The following LAMC2 variants were observed in gnomAD, a reference collection of about 807,000 sequenced individuals.
LAMC2 encodes laminin subunit gamma 2, also known as laminin subunit gamma-2.
A neutral mutation model predicts 140.2 loss-of-function variants in LAMC2; 97 were observed. The observed-to-expected ratio is 0.69, with a 90% CI of 0.59 to 0.82. The LOEUF is 0.82. Ranked by LOEUF, LAMC2 falls within the 40% of genes least tolerant of loss-of-function variation. The pLI is 0.00. For synonymous variants in LAMC2, 513 were observed against 540.2 expected (o/e 0.95, Z 0.70); for missense variants, 1,402 against 1,476.1 (o/e 0.95, Z 0.82).
chr1:183,223,215 C>A lies in LAMC2; in HGVS notation c.844C>A (p.Pro282Thr), dbSNP rs745634691. The change falls in exon 7 of 23, where the codon CCA (proline) becomes ACA (threonine). Residue 282 changes from proline to threonine, a missense_variant. Physicochemically the swap from Pro to Thr is conservative, Grantham distance 38. This residue lies in a region of LAMC2 where 723 missense variants were observed against 783.3 expected (regional missense o/e 0.92). Coordinates refer to ENST00000264144, the MANE Select transcript of LAMC2 (RefSeq NM_005562.3). ...DYRVDRGGRH[P>T]SAHDVILEGA... is the part of the protein sequence containing the mutation. ...CCGTGTGGACAGAGGAGGCAGACAC[C>A]CATCTGCCCATGATGTGATTCTGGA... is the stretch of plus-strand genomic sequence containing the variant. 3 of 1,613,704 alleles carry A rather than the reference C, an allele frequency of 1.9e-6. No individual in the cohort carries two copies. The South Asian group carries it at 3.3e-5, about 18-fold the overall frequency.
intron 7 of LAMC2, among the ~76,000 whole-genome samples, chr1:183,225,263 A>C (rs1659592105): frequency 6.6e-6 from 1 of 152,220 alleles, no homozygotes. Context: ...TGAGAATCAG[A>C]ACTTCTGGAA....
chr1:183,202,742 C>G (rs533168805), intron 1 of LAMC2, among the ~76,000 whole-genome samples: 1 of 152,126 alleles, frequency 6.6e-6, no homozygotes, highest in Non-Finnish European at 1.5e-5. Context: ...TAACAAATAC[C>G]ACTATCCTAA....
At position 183,232,754 on chromosome 1, in the gene LAMC2, G is replaced by T; in HGVS notation, c.2117G>T (p.Arg706Leu). The T allele has an allele frequency of 6.2e-7, 1 of 1,614,022 alleles. No homozygotes were observed. Among genetic ancestry groups the T allele is most frequent in the South Asian group, 1.1e-5 (1 of 91,066 alleles). The change falls in exon 14 of 23, where the codon CGG (arginine) becomes CTG (leucine). Residue 706 changes from arginine (R) to leucine (L), a missense_variant. Physicochemically the swap from Arg to Leu is moderately radical, Grantham distance 102. This residue lies in a region of LAMC2 where 670 missense variants were observed against 667.2 expected (regional missense o/e 1.00). Transcript: ENST00000264144. ...CTCAAGATGACTGTGGAAAGAGTTC[G>T]GGCTCTGGGAAGTCAGTACCAGAAC... ...DDLKMTVERV[R>L]ALGSQYQNRV...
intron 11 of LAMC2, among the ~76,000 whole-genome samples, chr1:183,230,409 T>C (rs112201777): frequency 4.1e-4 from 63 of 152,348 alleles, no homozygotes; most frequent in Non-Finnish European, 5.9e-4. Flanking sequence ...CCCACTATCA[T>C]ATCCTTAACT....
chr1:183,232,678 T>G lies in LAMC2; in HGVS notation c.2041T>G (p.Leu681Val), dbSNP rs750090015. 61 of 1,613,172 alleles carry G rather than the reference T, an allele frequency of 3.8e-5. No homozygotes were observed. The highest frequency in any genetic ancestry group is 3.4e-6 in the Non-Finnish European group (4 of 1,179,900). Residue 681 changes from leucine to valine, a missense_variant, in exon 14 of 23, where the codon TTG becomes GTG. Leu to Val is a conservative substitution (Grantham distance 32). Around this residue, in one of 3 missense-constraint regions of LAMC2, gnomAD observed 670 missense variants for 667.2 expected, o/e 1.00. Coordinates refer to ENST00000264144, the MANE Select transcript of LAMC2 (RefSeq NM_005562.3). ...EGASRSLGLQ[L>V]AKVRSQENSY... ...TGCTAGCAGATCCCTTGGTCTCCAG[T>G]TGGCCAAGGTGAGGAGCCAAGAGAA...
chr1:183,253,785 C>T, the LAMC2 span, among the ~76,000 whole-genome samples: 1 of 152,130 alleles, frequency 6.6e-6, no homozygotes, highest in Admixed American at 6.6e-5. Context: ...TAAGTGAAAT[C>T]ATGCAATATT....
At chr1:183,250,407 A>G in the LAMC2 span, 2 of 152,196 alleles carry the variant, frequency 1.3e-5, no homozygotes, top group Admixed American at 6.5e-5. Flanking sequence ...GACTGGCATT[A>G]CCATCCTATG....
At chr1:183,206,651 CAAA>C (rs34536054) in intron 1 of LAMC2, among the ~76,000 whole-genome samples, 2 of 125,964 alleles carry the variant, frequency 1.6e-5, no homozygotes, top group Admixed American at 8.1e-5. Flanking sequence ...GACTTGGTCT[CAAA>C]AAAAAAAAAA....
the LAMC2 span, among the ~76,000 whole-genome samples, chr1:183,256,103 A>T: frequency 1.1e-3 from 161 of 152,004 alleles, 1 homozygote; most frequent in African/African-American, 3.5e-3. Context: ...TGGGTTTTTT[A>T]AAAAAAATAA....
intron 22 of LAMC2, among the ~76,000 whole-genome samples, chr1:183,242,212 C>T (rs979579632): frequency 5.9e-5 from 9 of 152,186 alleles, no homozygotes; most frequent in Non-Finnish European, 1.3e-4. Context: ...ACTTAACTTC[C>T]TCTGCATGTC....
downstream of LAMC2, among the ~76,000 whole-genome samples, chr1:183,246,836 T>C (rs912426811): frequency 6.6e-6 from 1 of 152,238 alleles, no homozygotes; most frequent in African/African-American, 2.4e-5. Context: ...GAACATAGAT[T>C]AGAATTTTTC....
chr1:183,258,143 G>A, the LAMC2 span, among the ~76,000 whole-genome samples: 14 of 152,142 alleles, frequency 9.2e-5, no homozygotes, highest in African/African-American at 3.4e-4. Context: ...CAGGTATAAA[G>A]GACTCCAGTG....
At chr1:183,240,739 G>C (rs1660112147) in intron 22 of LAMC2, 1 of 1,149,988 alleles carries the variant, frequency 8.7e-7, no homozygotes, top group East Asian at 4.5e-5. Context: ...ACAGTTTTAA[G>C]CAGAGGAATA....
intron 1 of LAMC2, among the ~76,000 whole-genome samples, chr1:183,198,257 T>C (rs1658587893): frequency 6.6e-6 from 1 of 151,146 alleles, no homozygotes; most frequent in African/African-American, 2.4e-5. Context: ...TTCCCCTGCC[T>C]CAGCCACCCC....
chr1:183,189,257 A>G (rs1040405217), intron 1 of LAMC2, among the ~76,000 whole-genome samples: 2 of 152,212 alleles, frequency 1.3e-5, no homozygotes, highest in Non-Finnish European at 2.9e-5. Context: ...AGGTTTGTAC[A>G]TGGTTAGACA....
At chr1:183,255,913 C>T in the LAMC2 span, among the ~76,000 whole-genome samples, 1 of 152,062 alleles carries the variant, frequency 6.6e-6, no homozygotes, top group Non-Finnish European at 1.5e-5. Flanking sequence ...ATCCACCTGC[C>T]TCCGCCTCCC....
chr1:183,202,171 G>A (rs1389874681), intron 1 of LAMC2, among the ~76,000 whole-genome samples: 1 of 151,316 alleles, frequency 6.6e-6, no homozygotes, highest in Non-Finnish European at 1.5e-5. Context: ...TTCATCCTGG[G>A]TGACAGAATG....
chr1:183,252,851 T>C, the LAMC2 span: 1 of 782,728 alleles, frequency 1.3e-6, no homozygotes, highest in Non-Finnish European at 2.2e-6. Flanking sequence ...TTTTCTCAGG[T>C]TGAGTAAATA....
chr1:183,200,403 A>G (rs1338820079), intron 1 of LAMC2, among the ~76,000 whole-genome samples: 3 of 152,108 alleles, frequency 2.0e-5, no homozygotes, highest in African/African-American at 7.2e-5. Flanking sequence ...AAAAAAAAGA[A>G]CATTAGAAAG....
Sources: gnomAD v4.1 joint callset for allele counts (sites outside exome capture counted in the v4.1 genomes callset) on GRCh38, gnomAD v4.1.1 for gene constraint, gnomAD v4.1.1 regional missense constraint, MANE v1.5 for transcripts, NCBI Gene and HGNC (gene_info 2026-07-23, HGNC 2026-07-21) for gene names.